SEPTIN6: variants seen among roughly 807,000 people sequenced by gnomAD.
SEPTIN6 encodes septin 6.
Under a neutral mutation model 33.6 loss-of-function variants are expected in SEPTIN6, and 8 were observed. The ratio of observed to expected loss-of-function variants is 0.24; its 90% confidence interval spans 0.14 to 0.43. The LOEUF (loss-of-function observed/expected upper bound fraction) is 0.43. Among genes scored for constraint, SEPTIN6 ranks in the 20% least tolerant of loss-of-function variants. The pLI, the probability that SEPTIN6 is intolerant of heterozygous loss-of-function variation, is 1.00. For missense variants in SEPTIN6, 250 were observed against 340.8 expected, an observed-to-expected ratio of 0.73 and a Z score of 2.10; for synonymous variants, 131 against 140.0, an observed-to-expected ratio of 0.94 and a Z score of 0.45.
intron 2 of SEPTIN6, among the ~76,000 whole-genome samples, chrX:119,672,886 C>T (rs2054770913): frequency 8.9e-6 from 1 of 111,790 alleles, no homozygotes; most frequent in African/African-American, 3.3e-5. Flanking sequence ...GACTCTAAGG[C>T]CCTCGATGTG....
In SEPTIN6 at chrX:119,678,229, A is replaced by G. The variant is rs758035243; in HGVS notation, c.31-2561T>C. 1.3e-4 allele frequency among the ~76,000 whole-genome samples: 14 copies of G among 109,904 alleles called. 3 individuals are homozygous for G. In the South Asian group the frequency reaches 5.6e-3, roughly 44 times the overall value. ...ACTCCAGCCTGGGTAACAGAGCAAG[A>G]CACTGTCTCGGCCGGGCGCGGTGGC... On this transcript the variant is annotated intron_variant, in intron 1 of 10. Transcript: ENST00000394610.
chrX:119,645,769 A>G (rs2054245526), intron 5 of SEPTIN6, among the ~76,000 whole-genome samples: 1 of 110,958 alleles, frequency 9.0e-6, no homozygotes, highest in Admixed American at 9.6e-5. Flanking sequence ...TGACCTTGTG[A>G]TTCGCCCACC....
intron 10 of SEPTIN6, 64 bp from the exon 11 acceptor site, chrX:119,620,115 AGTCAG>A: frequency 1.3e-6 from 1 of 744,626 alleles, no homozygotes; most frequent in Non-Finnish European, 2.0e-6. Flanking sequence ...AAAAAAAAAA[AGTCAG>A]AAGAAAATTA....
At chrX:119,671,384 T>C (rs920134167) in intron 2 of SEPTIN6, among the ~76,000 whole-genome samples, 12 of 106,875 alleles carry the variant, frequency 1.1e-4, no homozygotes, top group Non-Finnish European at 1.9e-4. Flanking sequence ...GCCTCCCGGG[T>C]TCACGCCATT....
chrX:119,675,598 T>G lies in SEPTIN6; in HGVS notation c.101A>C (p.Asn34Thr). The change falls in exon 2 of 11, where the codon AAT becomes ACT. Residue 34 changes from asparagine to threonine, a missense_variant. Around this residue, in one of 2 missense-constraint regions of SEPTIN6, gnomAD observed 111 missense variants for 113.8 expected, o/e 0.98. Coordinates refer to ENST00000394610, the MANE Select transcript of SEPTIN6 (RefSeq NM_145799.4). Reference sequence around the variant, plus strand: ...GCAGAAGCCCTGGCTGACGGACTTATTCACCAGCTGGTCAGGCAAGCTGTC... The same window carrying G: ...GCAGAAGCCCTGGCTGACGGACTTAGTCACCAGCTGGTCAGGCAAGCTGTC... Reference protein sequence around the residue: ...GFDSLPDQLVNKSVSQGFCFN... With the variant: ...GFDSLPDQLVTKSVSQGFCFN... The G allele has an allele frequency of 8.5e-7, 1 of 1,172,486 alleles. No homozygotes were observed.
At chrX:119,691,300 C>G (rs770666844) in intron 1 of SEPTIN6, among the ~76,000 whole-genome samples, 2 of 112,055 alleles carry the variant, frequency 1.8e-5, no homozygotes, top group East Asian at 5.6e-4. Context: ...GTATGGAGGA[C>G]AGGTCGATGC....
Position 119,647,357 on chromosome X carries a change from ATTCCTTCC to A in SEPTIN6, c.690+2572_690+2579del, listed in dbSNP as rs1371301045. On this transcript the variant is annotated intron_variant, in intron 5 of 10. Coordinates refer to ENST00000394610, the MANE Select transcript of SEPTIN6 (RefSeq NM_145799.4). The stretch of plus-strand genomic sequence containing the variant: ...CTCCTCCCCTCCCCTCCCTTCCTCC[ATTCCTTCC>A]TTCCTTCCTTCCACTGGAATTCCCT... Among the ~76,000 whole-genome samples the A allele has an allele frequency of 4.1e-5, 3 of 73,401 alleles. No individual in the cohort carries two copies. In the Admixed American group the frequency reaches 5.0e-4, roughly 12 times the overall value. The allele number at this position is 73,401 out of a possible 115,157, so 63.7% of individuals were successfully genotyped here. A position where few individuals can be genotyped will look rare whatever the true frequency, so the allele number is the denominator to read the frequency against.
intron 5 of SEPTIN6, among the ~76,000 whole-genome samples, chrX:119,645,412 T>C (rs1235759379): frequency 9.4e-6 from 1 of 106,559 alleles, no homozygotes; most frequent in Non-Finnish European, 1.9e-5. Context: ...CTATTTTTTT[T>C]TTGAGATGGA....
chrX:119,662,627 T>C (rs766703018), intron 3 of SEPTIN6, among the ~76,000 whole-genome samples: 1 of 112,320 alleles, frequency 8.9e-6, no homozygotes, highest in Non-Finnish European at 1.9e-5. Flanking sequence ...ATCTCACCGT[T>C]TTTTCCCCAA....
At chrX:119,664,850 A>G (rs763890224) in intron 2 of SEPTIN6, among the ~76,000 whole-genome samples, 2 of 106,301 alleles carry the variant, frequency 1.9e-5, no homozygotes, top group East Asian at 5.9e-4. Flanking sequence ...CAAAAAAAAA[A>G]AAAAAAAAAA....
At position 119,662,404 on chromosome X, in the gene SEPTIN6, T is replaced by G. The variant is rs1603343957; in HGVS notation, c.341+1078A>C. Among the ~76,000 whole-genome samples the G allele has an allele frequency of 2.7e-5, 3 of 112,043 alleles. No homozygotes were observed. The South Asian group carries it at 1.1e-3, about 42-fold the overall frequency. The stretch of plus-strand genomic sequence containing the variant: ...TCTCTTACGGAATGCCATCACCATG[T>G]GTCCACTCTCCAAAGCTGGAAATTT... On this transcript the variant is annotated intron_variant, in intron 3 of 10. Transcript: ENST00000394610.
rs921165595 is a variant in SEPTIN6, at chrX:119,618,122, T to C, written c.*1971A>G. ...CTTTCCCAAGGAGACCTGACAGGCC[T>C]AACTCAGCATCTCTCTGAGCTACTG... On this transcript the variant is annotated 3_prime_UTR_variant, in exon 11 of 11. Coordinates refer to ENST00000394610, the MANE Select transcript of SEPTIN6 (RefSeq NM_145799.4). The C allele has an allele frequency of 1.3e-5, 10 of 789,399 alleles. No homozygotes were observed. The highest frequency in any genetic ancestry group is 1.5e-5 in the Non-Finnish European group (10 of 661,697). 65.1% of individuals were successfully genotyped at this position (789,399 alleles called of 1,213,427 possible).
downstream of SEPTIN6, chrX:119,616,903 G>A (rs1379896066): frequency 5.5e-6 from 6 of 1,082,233 alleles, no homozygotes; most frequent in African/African-American, 3.8e-5. Context: ...CCATCACCAC[G>A]GGGAAATCTG....
chrX:119,618,940 C>T lies in SEPTIN6; in HGVS notation c.*1153G>A. The T allele has an allele frequency of 9.8e-7, 1 of 1,017,071 alleles. No homozygotes were observed. The highest frequency in any genetic ancestry group is 1.3e-6 in the Non-Finnish European group (1 of 794,942). 83.8% of individuals were successfully genotyped at this position (1,017,071 alleles called of 1,213,427 possible). A position where few individuals can be genotyped will look rare whatever the true frequency, so the allele number is the denominator to read the frequency against. ...TCTACTTCACAGAGGTTCCCAAAGC[C>T]ACTATCAGATGGGACCCATGATAAA... On this transcript the variant is annotated 3_prime_UTR_variant, in exon 11 of 11. Transcript: ENST00000394610.
At chrX:119,688,795 A>G (rs1414162947) in intron 1 of SEPTIN6, among the ~76,000 whole-genome samples, 3 of 110,208 alleles carry the variant, frequency 2.7e-5, no homozygotes, top group Non-Finnish European at 5.7e-5. Context: ...CTGTCCAAAA[A>G]CCCCTCAAAT....
At chrX:119,692,718 G>A (rs6646450) in intron 1 of SEPTIN6, among the ~76,000 whole-genome samples, 110 of 112,882 alleles carry the variant, frequency 9.7e-4, no homozygotes, top group African/African-American at 3.3e-3. Flanking sequence ...GGGTGCCAGG[G>A]ACCCGGAGGG....
intron 2 of SEPTIN6, among the ~76,000 whole-genome samples, chrX:119,673,215 A>G (rs368557790): frequency 9.0e-6 from 1 of 111,307 alleles, no homozygotes; most frequent in African/African-American, 3.3e-5. Flanking sequence ...ATCTCTACGA[A>G]AAAAATGAGC....
intron 5 of SEPTIN6, among the ~76,000 whole-genome samples, chrX:119,645,947 G>C (rs1427337552): frequency 8.9e-6 from 1 of 112,274 alleles, no homozygotes; most frequent in East Asian, 2.8e-4. Context: ...ACATTGTAAA[G>C]TACTTAATAA....
At chrX:119,674,398 C>T (rs1377293629) in intron 2 of SEPTIN6, among the ~76,000 whole-genome samples, 2 of 110,097 alleles carry the variant, frequency 1.8e-5, no homozygotes, top group Admixed American at 1.9e-4. Context: ...AGGATGGTCT[C>T]GATCTTCTGA....
Sources: gnomAD v4.1 joint callset for allele counts (sites outside exome capture counted in the v4.1 genomes callset) on GRCh38, gnomAD v4.1.1 for gene constraint, gnomAD v4.1.1 regional missense constraint, MANE v1.5 for transcripts, NCBI Gene and HGNC (gene_info 2026-07-23, HGNC 2026-07-21) for gene names.